Variants in FBLN1 observed in about 807,000 individuals in gnomAD.
FBLN1 encodes the protein fibulin 1.
Under a neutral mutation model 89.7 loss-of-function variants are expected in FBLN1, and 34 were observed. That is an observed-to-expected ratio of 0.38 (90% CI 0.29 to 0.50). FBLN1 has a LOEUF of 0.50. Among genes scored for constraint, FBLN1 ranks in the 20% least tolerant of loss-of-function variants. FBLN1 has a pLI of 0.92. For missense variants in FBLN1, 777 were observed against 988.1 expected (o/e 0.79, Z 2.86); for synonymous variants, 393 against 391.3 (o/e 1.00, Z -0.05).
rs538638046 is a variant in FBLN1, at chr22:45,562,900, C to T, written c.1698-11611C>T. The T allele has an allele frequency of 6.2e-7, 1 of 1,613,076 alleles. No individual in the cohort carries two copies. The highest frequency in any genetic ancestry group is 1.7e-5 in the Admixed American group (1 of 60,034). On this transcript the variant is annotated intron_variant, in intron 14 of 16. Transcript: ENST00000327858. This position sits in a 1 kb window ranked among gnomAD's most constrained non-coding sequence, Gnocchi z 7.8. ...AACCCTCTTCTTGTCTCTCTGCCCA[C>T]TTTTCTTGCAGCCGCTGTGAGCGCT...
rs766423201 is a variant in FBLN1, at chr22:45,574,613, C to G, written c.1800C>G (p.Val600=). 6.2e-7 allele frequency: 1 copy of G among 1,614,152 alleles called. No individual in the cohort carries two copies. Residue 600 remains valine, a synonymous_variant, in exon 15 of 17, where the codon GTC becomes GTG. Transcript: ENST00000327858. The surrounding 1 kb of genome is among the most constrained non-coding windows in gnomAD (Gnocchi z 4.1). ...FDPVHTISHT[V]ISLPTFREFT... ...CCGTGCACACCATCTCCCACACCGT[C>G]ATCTCGCTGCCTACCTTCCGCGAGT...
At chr22:45,515,709 C>T (rs1190398200) in intron 1 of FBLN1, among the ~76,000 whole-genome samples, 1 of 152,200 alleles carries the variant, frequency 6.6e-6, no homozygotes, top group Non-Finnish European at 1.5e-5. Context: ...AATCCTCCAG[C>T]GACTGTTTAC....
At position 45,597,085 on chromosome 22, in the gene FBLN1, TTGA is replaced by T. The variant is rs2089193894; in HGVS notation, c.1973-3221_1973-3219del. Reference sequence around the variant, plus strand: ...GGCACAATCTTGGCTCATTGCAACCTTGACCTTCCCGGGCTCAAACAATTCTGC... The same window carrying T: ...GGCACAATCTTGGCTCATTGCAACCTCCTTCCCGGGCTCAAACAATTCTGC... On this transcript the variant is annotated intron_variant, in intron 16 of 16. Coordinates refer to ENST00000327858, the MANE Select transcript of FBLN1 (RefSeq NM_006486.3). The surrounding 1 kb of genome is among the most constrained non-coding windows in gnomAD (Gnocchi z 4.2). 6.6e-6 allele frequency among the ~76,000 whole-genome samples: 1 copy of T among 152,008 alleles called. No homozygotes were observed. The highest frequency in any genetic ancestry group is 1.5e-5 in the Non-Finnish European group (1 of 67,994).
Position 45,575,941 on chromosome 22 carries a change from C to T in FBLN1, c.1841-1036C>T, listed in dbSNP as rs1602220906. Among the ~76,000 whole-genome samples the T allele has an allele frequency of 1.3e-5, 2 of 152,142 alleles. No homozygotes were observed. Among genetic ancestry groups the T allele is most frequent in the African/African-American group, 4.8e-5 (2 of 41,428 alleles). On this transcript the variant is annotated intron_variant, in intron 15 of 16. Coordinates refer to ENST00000327858, the MANE Select transcript of FBLN1 (RefSeq NM_006486.3). The surrounding 1 kb of genome is among the most constrained non-coding windows in gnomAD (Gnocchi z 6.3). ...GCCCCTCTGTGTCAGGCTCTAGGGA[C>T]ATGGTGATAAGAAGGGGTCCTCCCA...
intron 8 of FBLN1, 69 bp from the exon 9 acceptor site, chr22:45,541,160 G>C (rs1465555901): frequency 1.2e-6 from 2 of 1,601,168 alleles, no homozygotes; most frequent in Non-Finnish European, 1.7e-6. Context: ...TTTCTTTGGA[G>C]ATCCAGTTTT....
intron 3 of FBLN1, 99 bp from the exon 4 acceptor site, chr22:45,527,748 T>C: frequency 1.6e-6 from 2 of 1,249,096 alleles, no homozygotes; most frequent in East Asian, 4.6e-5. Flanking sequence ...ACAGGTTGTG[T>C]GGACAGGGGG....
chr22:45,543,542 C>G lies in FBLN1; in HGVS notation c.1321+16C>G, dbSNP rs778458730. 7.4e-6 allele frequency: 12 copies of G among 1,611,334 alleles called. No individual in the cohort carries two copies. The South Asian group carries it at 8.8e-5, about 12-fold the overall frequency. On this transcript the variant is annotated intron_variant, in intron 11 of 16. Coordinates refer to ENST00000327858, the MANE Select transcript of FBLN1 (RefSeq NM_006486.3). ...TCATGTGAAGGTGAGGCTGGGGCCCCGTCCACTCACCTCCCCCAGGTCACC... is the reference window on the plus strand; with the variant it reads ...TCATGTGAAGGTGAGGCTGGGGCCCGGTCCACTCACCTCCCCCAGGTCACC...
chr22:45,574,550 G>A lies in FBLN1; in HGVS notation c.1737G>A (p.Lys579=). The A allele has an allele frequency of 6.2e-7, 1 of 1,614,198 alleles. No homozygotes were observed. Among genetic ancestry groups the A allele is most frequent in the Non-Finnish European group, 8.5e-7 (1 of 1,180,040 alleles). Residue 579 remains lysine (K), a synonymous_variant, in exon 15 of 17, where the codon AAG becomes AAA. Coordinates refer to ENST00000327858, the MANE Select transcript of FBLN1 (RefSeq NM_006486.3). The surrounding 1 kb of genome is among the most constrained non-coding windows in gnomAD (Gnocchi z 4.1). Reference sequence around the variant, plus strand: ...AGACAGACACGGTCCGCTGCATCAAGTCCTGCCGCCCCAACGATGTCACAT... The same window carrying A: ...AGACAGACACGGTCCGCTGCATCAAATCCTGCCGCCCCAACGATGTCACAT... The part of the protein sequence containing the change: ...QEKTDTVRCI[K]SCRPNDVTCV...
intron 4 of FBLN1, among the ~76,000 whole-genome samples, chr22:45,528,468 C>T (rs1470197903): frequency 6.6e-6 from 1 of 152,066 alleles, no homozygotes; most frequent in Non-Finnish European, 1.5e-5. Flanking sequence ...CCTCAGCCTC[C>T]CGAGTAGCTG....
chr22:45,519,016 G>A (rs910255002), intron 2 of FBLN1, among the ~76,000 whole-genome samples: 1 of 149,312 alleles, frequency 6.7e-6, no homozygotes, highest in Admixed American at 6.6e-5. Flanking sequence ...GTCGGGGTAT[G>A]TGTCTCTTTC....
In FBLN1 at chr22:45,536,308, T is replaced by G. The variant is rs112910791; in HGVS notation, c.922+971T>G. ...GAGTGAGTGTTTCCTGGGCGCAGAG[T>G]TTCAGTTTGAGAAGATGAAAAAGTT... On this transcript the variant is annotated intron_variant, in intron 8 of 16. Transcript: ENST00000327858. This position sits in a 1 kb window ranked among gnomAD's most constrained non-coding sequence, Gnocchi z 5.1. 2.7e-5 allele frequency among the ~76,000 whole-genome samples: 4 copies of G among 150,764 alleles called. No homozygotes were observed. Among genetic ancestry groups the G allele is most frequent in the African/African-American group, 9.8e-5 (4 of 40,858 alleles).
At chr22:45,508,871 G>T (rs1356848028) in intron 1 of FBLN1, among the ~76,000 whole-genome samples, 1 of 152,208 alleles carries the variant, frequency 6.6e-6, no homozygotes, top group Non-Finnish European at 1.5e-5. Context: ...CAGACTCATG[G>T]CACTAAGTAC....
rs2088874662 is a variant in FBLN1 at position 45,563,496 on chromosome 22, T to A, written c.1698-11015T>A. On this transcript the variant is annotated intron_variant, in intron 14 of 16. Coordinates refer to ENST00000327858, the MANE Select transcript of FBLN1 (RefSeq NM_006486.3). This position sits in a 1 kb window ranked among gnomAD's most constrained non-coding sequence, Gnocchi z 5.7. The stretch of plus-strand genomic sequence containing the variant: ...GGAGCGCTCCCCACTAGAGGGTGTG[T>A]GCTCGGGGGTCCCTGTTCACAGAGC... 9 of 849,624 alleles carry A rather than the reference T, an allele frequency of 1.1e-5. No homozygotes were observed. In the East Asian group the frequency reaches 2.5e-4, roughly 24 times the overall value. 52.6% of individuals were successfully genotyped at this position (849,624 alleles called of 1,614,324 possible).
At chr22:45,516,459 A>G (rs1033678599) in intron 1 of FBLN1, among the ~76,000 whole-genome samples, 4 of 152,132 alleles carry the variant, frequency 2.6e-5, no homozygotes, top group Admixed American at 6.5e-5. Flanking sequence ...GCTTTTCTTA[A>G]TGAATTAGAG....
chr22:45,540,322 T>C (rs1602189886), intron 8 of FBLN1, among the ~76,000 whole-genome samples: 1 of 152,220 alleles, frequency 6.6e-6, no homozygotes, highest in African/African-American at 2.4e-5. Context: ...CTGGCTGTGG[T>C]GCTCGAGAGC....
chr22:45,533,255 C>T, intron 6 of FBLN1, 91 bp downstream of exon 6: 1 of 1,182,726 alleles, frequency 8.5e-7, no homozygotes, highest in Non-Finnish European at 1.3e-6. Flanking sequence ...CTGCCTTCTA[C>T]AACCCAGACC....
rs562462985 is a variant in FBLN1, at chr22:45,511,865, C to T, written c.80-6817C>T. Among the ~76,000 whole-genome samples the T allele has an allele frequency of 1.1e-4, 17 of 152,212 alleles. No individual in the cohort carries two copies. The South Asian group carries it at 2.3e-3, about 20-fold the overall frequency. ...CAGCGTTGCCTTCCCTGGGAACATTCGAGTTGAAGGTTAACGAGATTTTGC... is the reference window on the plus strand; with the variant it reads ...CAGCGTTGCCTTCCCTGGGAACATTTGAGTTGAAGGTTAACGAGATTTTGC... On this transcript the variant is annotated intron_variant, in intron 1 of 16. Coordinates refer to ENST00000327858, the MANE Select transcript of FBLN1 (RefSeq NM_006486.3).
At chr22:45,592,620 G>A (rs1313892018) in intron 16 of FBLN1, among the ~76,000 whole-genome samples, 1 of 152,180 alleles carries the variant, frequency 6.6e-6, no homozygotes, top group Non-Finnish European at 1.5e-5. Context: ...GAGTCACCAC[G>A]CCCGGCCGCA....
At chr22:45,516,114 G>T (rs1316555074) in intron 1 of FBLN1, among the ~76,000 whole-genome samples, 4 of 152,200 alleles carry the variant, frequency 2.6e-5, no homozygotes, top group Non-Finnish European at 5.9e-5. Context: ...TGCAGGGTGG[G>T]CAGGCAGGCG....
Sources: gnomAD v4.1 joint callset for allele counts (sites outside exome capture counted in the v4.1 genomes callset) on GRCh38, gnomAD v4.1.1 for gene constraint, Gnocchi (gnomAD v3.1) non-coding constraint, MANE v1.5 for transcripts, NCBI Gene and HGNC (gene_info 2026-07-23, HGNC 2026-07-21) for gene names.